CAMK4: variants seen among roughly 807,000 people sequenced by gnomAD.
CAMK4 encodes calcium/calmodulin dependent protein kinase IV.
A neutral mutation model predicts 44.9 loss-of-function variants in CAMK4; 22 were observed. That is an observed-to-expected ratio of 0.49 (90% CI 0.35 to 0.70). The LOEUF is 0.70. Ranked by LOEUF, CAMK4 falls within the 30% of genes least tolerant of loss-of-function variation. The probability of loss-of-function intolerance (pLI) is 0.01; values close to 1 mark genes in which losing one functional copy is unlikely to be tolerated. For missense variants in CAMK4, 498 were observed against 586.8 expected (o/e 0.85, Z 1.56); for synonymous variants, 218 against 215.4 (o/e 1.01, Z -0.11).
intron 8 of CAMK4, among the ~76,000 whole-genome samples, chr5:111,476,365 C>T (rs779898675): frequency 1.3e-5 from 2 of 151,826 alleles, no homozygotes; most frequent in East Asian, 1.9e-4. Context: ...CTGCAACCTC[C>T]GCCTTGGGTT....
intron 2 of CAMK4, among the ~76,000 whole-genome samples, chr5:111,358,775 T>C (rs1750480140): frequency 6.6e-6 from 1 of 152,060 alleles, no homozygotes. Context: ...TGTGTCCATA[T>C]GTTCCCATCA....
At chr5:111,252,838 G>T (rs973326756) in intron 1 of CAMK4, among the ~76,000 whole-genome samples, 2 of 152,164 alleles carry the variant, frequency 1.3e-5, no homozygotes, top group Non-Finnish European at 2.9e-5. Flanking sequence ...TTTGGTAGGG[G>T]TGAAAACAGC....
At position 111,392,292 on chromosome 5, in the gene CAMK4, C is replaced by T. The variant is rs971986319; in HGVS notation, c.387-2418C>T. Among the ~76,000 whole-genome samples the T allele has an allele frequency of 4.6e-5, 7 of 151,966 alleles. 1 individual carries two copies. Among genetic ancestry groups the T allele is most frequent in the East Asian group, 1.9e-4 (1 of 5,186 alleles). On this transcript the variant is annotated intron_variant, in intron 4 of 10. Coordinates refer to ENST00000282356, the MANE Select transcript of CAMK4 (RefSeq NM_001744.6). ...CAAGTCACATCTTCCCATGGCAGAG[C>T]GGGAGAGAGAGAGAGCACAAAGGGG...
chr5:111,237,781 C>A (rs1282832603), intron 1 of CAMK4, among the ~76,000 whole-genome samples: 1 of 152,060 alleles, frequency 6.6e-6, no homozygotes, highest in Non-Finnish European at 1.5e-5. Flanking sequence ...CCTGACTTGA[C>A]CATAGGAGGG....
At chr5:111,348,911 T>C (rs1749979053) in intron 2 of CAMK4, among the ~76,000 whole-genome samples, 1 of 152,030 alleles carries the variant, frequency 6.6e-6, no homozygotes, top group Non-Finnish European at 1.5e-5. Context: ...CTCACTGTTA[T>C]AAATGTATTG....
intron 2 of CAMK4, among the ~76,000 whole-genome samples, chr5:111,372,496 A>T (rs1309241875): frequency 6.6e-6 from 1 of 152,136 alleles, no homozygotes; most frequent in Non-Finnish European, 1.5e-5. Context: ...GCCATGTTTC[A>T]TGCCGTTTGG....
rs1334856868 is a variant in CAMK4, at chr5:111,484,998, C to G, written c.*532C>G. The stretch of plus-strand genomic sequence containing the variant: ...ATATGTGCAAAAAAAAATCCACTTG[C>G]AATGGTAAGAAATTGAAGTATCCTT... On this transcript the variant is annotated 3_prime_UTR_variant, in exon 11 of 11. Coordinates refer to ENST00000282356, the MANE Select transcript of CAMK4 (RefSeq NM_001744.6). This position sits in a 1 kb window ranked among gnomAD's most constrained non-coding sequence, Gnocchi z 5.3. 1 of 152,154 alleles carries G rather than the reference C, an allele frequency of 6.6e-6. No homozygotes were observed. Among genetic ancestry groups the G allele is most frequent in the Non-Finnish European group, 1.5e-5 (1 of 68,042 alleles). 9.4% of individuals were successfully genotyped at this position (152,154 alleles called of 1,614,324 possible).
At chr5:111,301,654 A>G (rs990388313) in intron 1 of CAMK4, among the ~76,000 whole-genome samples, 1 of 152,162 alleles carries the variant, frequency 6.6e-6, no homozygotes, top group Non-Finnish European at 1.5e-5. Context: ...AATGAATTCT[A>G]TTTTCCCAAT....
chr5:111,425,518 A>G (rs1042026782), intron 5 of CAMK4, among the ~76,000 whole-genome samples: 2 of 152,226 alleles, frequency 1.3e-5, no homozygotes, highest in African/African-American at 4.8e-5. Flanking sequence ...CTAGCCACAA[A>G]TAGAAAGACT....
At chr5:111,309,489 C>G (rs1214471035) in intron 1 of CAMK4, among the ~76,000 whole-genome samples, 1 of 152,142 alleles carries the variant, frequency 6.6e-6, no homozygotes, top group Non-Finnish European at 1.5e-5. Context: ...TTAACCATCC[C>G]CATAAGGTCT....
intron 5 of CAMK4, among the ~76,000 whole-genome samples, chr5:111,407,751 A>C (rs1400738863): frequency 6.6e-6 from 1 of 152,176 alleles, no homozygotes; most frequent in African/African-American, 2.4e-5. Flanking sequence ...CCCTCAGAGG[A>C]CAGTGTTTTC....
intron 1 of CAMK4, among the ~76,000 whole-genome samples, chr5:111,293,802 A>G (rs1484374511): frequency 3.1e-5 from 4 of 130,986 alleles, no homozygotes; most frequent in African/African-American, 1.2e-4. Context: ...GCTGGAGTGC[A>G]TTGGCACGAT....
chr5:111,461,836 A>T (rs1040363635), intron 7 of CAMK4, among the ~76,000 whole-genome samples: 36 of 150,950 alleles, frequency 2.4e-4, no homozygotes, highest in African/African-American at 8.8e-4. Context: ...AAAAAAAAAA[A>T]TCCCAGCATT....
intron 1 of CAMK4, among the ~76,000 whole-genome samples, chr5:111,261,585 C>T (rs1749978906): frequency 6.6e-6 from 1 of 150,844 alleles, no homozygotes; most frequent in South Asian, 2.1e-4. Context: ...TTCCAGGTCA[C>T]CACAATGACT....
rs1755735093 is a variant in CAMK4, at chr5:111,489,326, C to A, written c.*4860C>A. The A allele has an allele frequency of 6.6e-6, 1 of 152,156 alleles. No homozygotes were observed. Among genetic ancestry groups the A allele is most frequent in the African/African-American group, 2.4e-5 (1 of 41,430 alleles). 9.4% of individuals were successfully genotyped at this position (152,156 alleles called of 1,614,324 possible). A position where few individuals can be genotyped will look rare whatever the true frequency, so the allele number is the denominator to read the frequency against. On this transcript the variant is annotated 3_prime_UTR_variant, in exon 11 of 11. Coordinates refer to ENST00000282356, the MANE Select transcript of CAMK4 (RefSeq NM_001744.6). The stretch of plus-strand genomic sequence containing the variant: ...TAACCAAGTTCAGTATTTCCTCTTT[C>A]TATATTTTGACCAATATATTAAGAG...
At chr5:111,372,766 A>G (rs1044562884) in intron 2 of CAMK4, among the ~76,000 whole-genome samples, 1 of 152,144 alleles carries the variant, frequency 6.6e-6, no homozygotes, top group Non-Finnish European at 1.5e-5. Flanking sequence ...GACTGCTGAA[A>G]CAGCCTCCAA....
At chr5:111,382,554 G>C (rs1277633971) in intron 4 of CAMK4, among the ~76,000 whole-genome samples, 1 of 152,142 alleles carries the variant, frequency 6.6e-6, no homozygotes, top group African/African-American at 2.4e-5. Context: ...GAACATTTTT[G>C]AGATCCTATT....
intron 1 of CAMK4, among the ~76,000 whole-genome samples, chr5:111,328,826 G>A (rs1370334007): frequency 6.6e-6 from 1 of 152,016 alleles, no homozygotes; most frequent in African/African-American, 2.4e-5. Context: ...TGTTATTGGT[G>A]TATAAGAATG....
At chr5:111,329,701 C>T (rs894631173) in intron 1 of CAMK4, among the ~76,000 whole-genome samples, 3 of 151,362 alleles carry the variant, frequency 2.0e-5, no homozygotes, top group Non-Finnish European at 4.4e-5. Context: ...TGGAAGTAGC[C>T]ACATTTAGAT....
Sources: gnomAD v4.1 joint callset for allele counts (sites outside exome capture counted in the v4.1 genomes callset) on GRCh38, gnomAD v4.1.1 for gene constraint, Gnocchi (gnomAD v3.1) non-coding constraint, MANE v1.5 for transcripts, NCBI Gene and HGNC (gene_info 2026-07-23, HGNC 2026-07-21) for gene names.